USH2A: variants seen among roughly 807,000 people sequenced by gnomAD.
USH2A encodes usherin.
A neutral mutation model predicts 538.9 loss-of-function variants in USH2A; 443 were observed. The ratio of observed to expected loss-of-function variants is 0.82; its 90% CI spans 0.76 to 0.89. The LOEUF (loss-of-function observed/expected upper bound fraction) is 0.89, where lower values mean the gene tolerates loss of function less well. Ranked by LOEUF, USH2A falls within the 40% of genes least tolerant of loss-of-function variation. USH2A has a pLI of 0.00. For missense variants in USH2A, 6,633 were observed against 6,324.8 expected (o/e 1.05, Z -1.65); for synonymous variants, 2,413 against 2,273.5 (o/e 1.06, Z -1.75).
chr1:216,370,640 T>C (rs1473897250), intron 3 of USH2A, among the ~76,000 whole-genome samples: 2 of 116,460 alleles, frequency 1.7e-5, no homozygotes, highest in Non-Finnish European at 3.2e-5. Flanking sequence ...ATCGCGCCAC[T>C]GCACTCCAGC....
chr1:215,974,342 C>T (rs1180883685), intron 35 of USH2A, among the ~76,000 whole-genome samples: 1 of 152,008 alleles, frequency 6.6e-6, no homozygotes, highest in Non-Finnish European at 1.5e-5. Flanking sequence ...GTATCAATAG[C>T]TGTTTTTTCC....
intron 37 of USH2A, among the ~76,000 whole-genome samples, chr1:215,943,461 A>C (rs1433621266): frequency 6.6e-6 from 1 of 152,164 alleles, no homozygotes; most frequent in Non-Finnish European, 1.5e-5. Context: ...AAACTCTAAC[A>C]ATCAGGGAGA....
chr1:216,280,904 G>T (rs1409434810), intron 11 of USH2A, among the ~76,000 whole-genome samples: 1 of 152,078 alleles, frequency 6.6e-6, no homozygotes, highest in Non-Finnish European at 1.5e-5. Flanking sequence ...TAATTTCCTT[G>T]TGTGCTCCCT....
chr1:215,819,813 T>A (rs80196117), intron 47 of USH2A, among the ~76,000 whole-genome samples: 1,715 of 151,894 alleles, frequency 0.011, 37 homozygotes, highest in Non-Finnish European at 0.013. Flanking sequence ...TTTTGAGGAT[T>A]TAATCAAGTA....
At chr1:216,002,679 C>T (rs1335488711) in intron 32 of USH2A, among the ~76,000 whole-genome samples, 1 of 152,030 alleles carries the variant, frequency 6.6e-6, no homozygotes, top group Non-Finnish European at 1.5e-5. Context: ...ATTCTTTGGC[C>T]AGTGAACTCT....
chr1:215,729,363 A>G (rs1419892586), intron 60 of USH2A, among the ~76,000 whole-genome samples: 2 of 152,196 alleles, frequency 1.3e-5, no homozygotes, highest in African/African-American at 4.8e-5. Context: ...TTTCTCTTCT[A>G]TAATTTAAAC....
Position 215,738,158 on chromosome 1 carries a change from G to A in USH2A, c.11711+3217C>T, listed in dbSNP as rs546401118. 2.6e-5 allele frequency among the ~76,000 whole-genome samples: 4 copies of A among 152,148 alleles called. No homozygotes were observed. In the South Asian group the frequency reaches 6.2e-4, roughly 24 times the overall value. ...AATGTGTTTGATGGATTTTGTAGAC[G>A]TAAGTGATGAGATTTTTGCCATTTG... On this transcript the variant is annotated intron_variant, in intron 60 of 71. Coordinates refer to ENST00000307340, the MANE Select transcript of USH2A (RefSeq NM_206933.4).
In USH2A at chr1:215,647,678, T is replaced by C. The variant is rs745580452; in HGVS notation, c.14635A>G (p.Thr4879Ala). ...ACPPDSALPC[T>A]PSQIETKYTG... ...TACTTTGTTTCTATTTGGCTGGGAG[T>C]ACAGGGGAGGGCTGAGTCAGGAGGG... The change falls in exon 67 of 72, where the codon ACT becomes GCT. Residue 4879 changes from threonine to alanine, a missense_variant. Coordinates refer to ENST00000307340, the MANE Select transcript of USH2A (RefSeq NM_206933.4). 2 of 1,614,036 alleles carry C rather than the reference T, an allele frequency of 1.2e-6. No individual in the cohort carries two copies. The highest frequency in any genetic ancestry group is 1.7e-5 in the Admixed American group (1 of 60,004).
At chr1:216,390,354 C>T (rs534836960) in intron 3 of USH2A, among the ~76,000 whole-genome samples, 1 of 152,186 alleles carries the variant, frequency 6.6e-6, no homozygotes, top group South Asian at 2.1e-4. Flanking sequence ...CCTTAAATTT[C>T]CCACCCAGCA....
intron 11 of USH2A, among the ~76,000 whole-genome samples, chr1:216,261,298 G>A (rs1432537289): frequency 6.6e-6 from 1 of 151,796 alleles, no homozygotes; most frequent in Admixed American, 6.6e-5. Context: ...TAAACAATTG[G>A]TGAAAGAAAG....
chr1:215,990,993 C>T (rs1314025130), intron 35 of USH2A, among the ~76,000 whole-genome samples: 3 of 151,994 alleles, frequency 2.0e-5, no homozygotes, highest in Non-Finnish European at 4.4e-5. Context: ...GATCTCCTGA[C>T]CTCATGATCC....
intron 4 of USH2A, among the ~76,000 whole-genome samples, chr1:216,346,341 C>G (rs1311205675): frequency 6.6e-6 from 1 of 152,070 alleles, no homozygotes; most frequent in Non-Finnish European, 1.5e-5. Flanking sequence ...GAAAAAACAT[C>G]TGTTTTCCTC....
At chr1:215,850,324 G>A (rs1332664587) in intron 44 of USH2A, among the ~76,000 whole-genome samples, 2 of 152,094 alleles carry the variant, frequency 1.3e-5, no homozygotes, top group African/African-American at 4.8e-5. Context: ...ATAGTCGGAA[G>A]ATAAAAGCTA....
At chr1:216,337,867 G>C (rs1340643495) in intron 4 of USH2A, among the ~76,000 whole-genome samples, 1 of 150,948 alleles carries the variant, frequency 6.6e-6, no homozygotes, top group African/African-American at 2.4e-5. Flanking sequence ...CTTTATATCA[G>C]CAATAAATAT....
At chr1:216,220,236 T>C (rs12088768) in intron 14 of USH2A, among the ~76,000 whole-genome samples, 5,368 of 151,838 alleles carry the variant, frequency 0.035, 329 homozygotes, top group African/African-American at 0.12. Context: ...CTCCTCTCTA[T>C]GGGGCCTCAG....
Position 215,941,851 on chromosome 1 carries a change from T to C in USH2A, c.7121-7056A>G, listed in dbSNP as rs543637816. On this transcript the variant is annotated intron_variant, in intron 37 of 71. Transcript: ENST00000307340. ...CTTGGGGGTCTGGATGAGAATGATA[T>C]CATGTTTTGCTGTTGAATTCTACCT... 3.9e-5 allele frequency among the ~76,000 whole-genome samples: 6 copies of C among 152,254 alleles called. No homozygotes were observed. In the East Asian group the frequency reaches 1.2e-3, roughly 29 times the overall value.
intron 10 of USH2A, among the ~76,000 whole-genome samples, chr1:216,291,496 C>T (rs1402681883): frequency 6.6e-6 from 1 of 152,068 alleles, no homozygotes; most frequent in Non-Finnish European, 1.5e-5. Context: ...CAGCACCTAC[C>T]CAAGATCTTG....
At chr1:216,110,291 G>C (rs989782133) in intron 21 of USH2A, among the ~76,000 whole-genome samples, 3 of 152,292 alleles carry the variant, frequency 2.0e-5, no homozygotes, top group Middle Eastern at 3.4e-3. Flanking sequence ...CAAGGAGTTT[G>C]AGTACAGCCT....
chr1:215,628,737 G>T, intron 71 of USH2A, 77 bp downstream of exon 71: 1 of 1,493,134 alleles, frequency 6.7e-7, no homozygotes, highest in Non-Finnish European at 9.3e-7. Flanking sequence ...GCAGCATTCG[G>T]TGAAGTACAG....
Sources: allele counts gnomAD v4.1 joint callset (sites outside exome capture counted in the v4.1 genomes callset), GRCh38; gene constraint gnomAD v4.1.1; transcripts MANE v1.5; gene names NCBI Gene and HGNC (gene_info 2026-07-23, HGNC 2026-07-21).